PTPRD: variants seen among roughly 807,000 people sequenced by gnomAD.
PTPRD encodes receptor-type tyrosine-protein phosphatase delta.
In PTPRD, 34 loss-of-function variants were observed where a neutral mutation model predicts 214.5. That is an observed-to-expected ratio of 0.16 (90% CI 0.12 to 0.21). The LOEUF is 0.21. Among genes scored for constraint, PTPRD ranks in the 10% least tolerant of loss-of-function variants. The pLI is 1.00. For synonymous variants in PTPRD, 1,128 were observed against 845.7 expected, an observed-to-expected ratio of 1.33 and a Z score of -5.79; for missense variants, 2,545 against 2,398.7, an observed-to-expected ratio of 1.06 and a Z score of -1.27.
At chr9:9,277,870 C>A (rs1946254887) in intron 9 of PTPRD, among the ~76,000 whole-genome samples, 1 of 151,294 alleles carries the variant, frequency 6.6e-6, no homozygotes, top group African/African-American at 2.4e-5. Flanking sequence ...TTCTTAAGAA[C>A]ATACATCTTT....
chr9:10,111,481 G>C (rs569243422), intron 3 of PTPRD, among the ~76,000 whole-genome samples: 1 of 151,486 alleles, frequency 6.6e-6, no homozygotes, highest in Non-Finnish European at 1.5e-5. Context: ...CTCGTGATCC[G>C]CCCGCCTCGG....
intron 8 of PTPRD, among the ~76,000 whole-genome samples, chr9:9,424,466 G>T (rs10739192): frequency 0.81 from 122,511 of 152,102 alleles, 49,463 homozygotes; most frequent in Non-Finnish European, 0.81. Context: ...TAGTTCACTG[G>T]GGTGAAGTGG....
chr9:8,619,875 G>A (rs1298012690), intron 14 of PTPRD, among the ~76,000 whole-genome samples: 3 of 151,990 alleles, frequency 2.0e-5, no homozygotes, highest in Non-Finnish European at 4.4e-5. Context: ...TAGCATTAAA[G>A]GGCAATATAT....
intron 9 of PTPRD, among the ~76,000 whole-genome samples, chr9:9,367,220 A>G (rs1297784958): frequency 6.6e-6 from 1 of 151,548 alleles, no homozygotes; most frequent in Non-Finnish European, 1.5e-5. Flanking sequence ...GGAGAACTAG[A>G]AATCTATATA....
Position 10,057,687 on chromosome 9 carries a change from C to T in PTPRD, c.-544-23897G>A, listed in dbSNP as rs10958849. On this transcript the variant is annotated intron_variant, in intron 3 of 45. Transcript: ENST00000381196. ...GTGAAACCCCATCTCTACTAAAATACAAAAAAATTAGCTGGGCGTGGTGCA... is the reference window on the plus strand; with the variant it reads ...GTGAAACCCCATCTCTACTAAAATATAAAAAAATTAGCTGGGCGTGGTGCA... Among the ~76,000 whole-genome samples, 978 of 151,686 alleles carry T rather than the reference C, an allele frequency of 6.4e-3. 20 individuals carry two copies. The highest frequency in any genetic ancestry group is 0.056 in the East Asian group (287 of 5,116).
At chr9:9,165,453 C>T (rs370196332) in intron 10 of PTPRD, among the ~76,000 whole-genome samples, 10 of 152,200 alleles carry the variant, frequency 6.6e-5, no homozygotes, top group Middle Eastern at 3.4e-3. Flanking sequence ...ATAATTAGAG[C>T]GGCAAAGCCA....
intron 3 of PTPRD, among the ~76,000 whole-genome samples, chr9:10,209,070 A>G (rs2099501259): frequency 6.6e-6 from 1 of 152,304 alleles, no homozygotes; most frequent in Non-Finnish European, 1.5e-5. Context: ...AGTTTTATGA[A>G]TGCTGCAGTT....
chr9:9,822,605 T>G (rs1041410836), intron 5 of PTPRD, among the ~76,000 whole-genome samples: 2 of 151,112 alleles, frequency 1.3e-5, no homozygotes, highest in Non-Finnish European at 2.9e-5. Flanking sequence ...TTAAATTATT[T>G]GTAATGTTAT....
At chr9:8,328,801 C>A (rs1262441765) in intron 44 of PTPRD, among the ~76,000 whole-genome samples, 2 of 152,062 alleles carry the variant, frequency 1.3e-5, no homozygotes, top group Admixed American at 6.6e-5. Context: ...GACATCCGTT[C>A]TTCCACTTGA....
chr9:9,605,190 A>G (rs1199284931), intron 7 of PTPRD, among the ~76,000 whole-genome samples: 1 of 152,130 alleles, frequency 6.6e-6, no homozygotes, highest in Non-Finnish European at 1.5e-5. Flanking sequence ...TGCATTAGAC[A>G]ATATTCAATA....
intron 5 of PTPRD, among the ~76,000 whole-genome samples, chr9:9,896,293 G>T (rs1160568703): frequency 6.6e-6 from 1 of 152,052 alleles, no homozygotes; most frequent in Non-Finnish European, 1.5e-5. Flanking sequence ...TAAAGACAAG[G>T]TAAGAAAAGA....
intron 3 of PTPRD, among the ~76,000 whole-genome samples, chr9:10,077,227 T>A (rs976159657): frequency 6.6e-6 from 1 of 152,178 alleles, no homozygotes; most frequent in Non-Finnish European, 1.5e-5. Flanking sequence ...ATCCTTTGCC[T>A]GCTCACCCCT....
Position 8,507,175 on chromosome 9 carries a change from T to C in PTPRD, c.1677+126A>G, listed in dbSNP as rs549886586. On this transcript the variant is annotated intron_variant, in intron 22 of 45. Coordinates refer to ENST00000381196, the MANE Select transcript of PTPRD (RefSeq NM_002839.4). ...AGGGGGAGTCAAGTTCCTCTTTTAA[T>C]TAGTAAATCTTTTCCATCAAGGTCC... 204 of 1,086,324 alleles carry C rather than the reference T, an allele frequency of 1.9e-4. 1 individual carries two copies. The highest frequency in any genetic ancestry group is 1.6e-4 in the Non-Finnish European group (125 of 798,534). 67.3% of individuals were successfully genotyped at this position (1,086,324 alleles called of 1,614,324 possible). A position where few individuals can be genotyped will look rare whatever the true frequency, so the allele number is the denominator to read the frequency against.
At chr9:9,336,392 T>C (rs2044492654) in intron 9 of PTPRD, among the ~76,000 whole-genome samples, 1 of 152,110 alleles carries the variant, frequency 6.6e-6, no homozygotes, top group Non-Finnish European at 1.5e-5. Context: ...AAATAGAAAC[T>C]GAATCATAAA....
intron 9 of PTPRD, among the ~76,000 whole-genome samples, chr9:9,275,443 T>C (rs1051957712): frequency 2.0e-5 from 3 of 150,354 alleles, no homozygotes; most frequent in Non-Finnish European, 3.0e-5. Flanking sequence ...ATTGAAAATA[T>C]CTCTGGACCC....
chr9:9,739,776 T>C (rs1424277071), intron 6 of PTPRD, among the ~76,000 whole-genome samples: 2 of 152,064 alleles, frequency 1.3e-5, no homozygotes, highest in Non-Finnish European at 2.9e-5. Context: ...CCTTCCTAAC[T>C]TGTTGAGATA....
chr9:9,625,067 A>G (rs2095375454), intron 7 of PTPRD, among the ~76,000 whole-genome samples: 4 of 152,228 alleles, frequency 2.6e-5, no homozygotes, highest in Non-Finnish European at 5.9e-5. Flanking sequence ...TGATGACTTG[A>G]AAGCCTAGAC....
At chr9:8,755,957 T>C (rs1188527969) in intron 11 of PTPRD, among the ~76,000 whole-genome samples, 3 of 152,248 alleles carry the variant, frequency 2.0e-5, no homozygotes, top group Non-Finnish European at 4.4e-5. Context: ...TAATATGTGT[T>C]AAGACCCAAA....
chr9:10,175,899 G>A (rs1049422049), intron 3 of PTPRD, among the ~76,000 whole-genome samples: 4 of 151,890 alleles, frequency 2.6e-5, no homozygotes, highest in Admixed American at 6.6e-5. Flanking sequence ...GATACAATAA[G>A]ACATAAAGGA....
Sources: allele counts gnomAD v4.1 joint callset (sites outside exome capture counted in the v4.1 genomes callset), GRCh38; gene constraint gnomAD v4.1.1; transcripts MANE v1.5; gene names NCBI Gene and HGNC (gene_info 2026-07-23, HGNC 2026-07-21).